JMJD1C: variants seen among roughly 807,000 people sequenced by gnomAD.
JMJD1C encodes the protein jumonji domain-containing protein 1C.
JMJD1C carries 31 observed loss-of-function variants against 245.3 expected under a neutral mutation model. The ratio of observed to expected loss-of-function variants is 0.13; its 90% CI spans 0.09 to 0.17. The LOEUF (loss-of-function observed/expected upper bound fraction) is 0.17, where lower values mean the gene tolerates loss of function less well. Ranked by LOEUF, JMJD1C falls within the 10% of genes least tolerant of loss-of-function variation. JMJD1C has a pLI of 1.00. For missense variants in JMJD1C, 2,691 were observed against 3,000.2 expected, an observed-to-expected ratio of 0.90 and a Z score of 2.41; for synonymous variants, 1,057 against 1,017.4, an observed-to-expected ratio of 1.04 and a Z score of -0.74.
chr10:63,200,538 G>A lies in JMJD1C; in HGVS notation c.5214C>T (p.Arg1738=), dbSNP rs1419463044. ...GAGCTGGTTCTTCTCCTTTTTTACT[G>A]CGAATAAGTCTACATTCTCGACACT... ...LQKCRECRLI[R]SKKGEEPAHS... The change falls in exon 11 of 26, where the codon CGC becomes CGT. Residue 1738 remains arginine, a synonymous_variant. Transcript: ENST00000399262. 1.2e-6 allele frequency: 2 copies of A among 1,613,620 alleles called. No individual in the cohort carries two copies. Among genetic ancestry groups the A allele is most frequent in the Non-Finnish European group, 1.7e-6 (2 of 1,179,862 alleles).
chr10:63,407,216 C>T (rs777651358), intron 1 of JMJD1C, among the ~76,000 whole-genome samples: 3 of 151,600 alleles, frequency 2.0e-5, no homozygotes, highest in African/African-American at 2.4e-5. Context: ...CATTATGGTA[C>T]GAAAAAAAGG....
At chr10:63,294,336 G>A (rs1859125919) in intron 2 of JMJD1C, among the ~76,000 whole-genome samples, 1 of 150,272 alleles carries the variant, frequency 6.7e-6, no homozygotes, top group African/African-American at 2.5e-5. Flanking sequence ...CCAAGCTGAA[G>A]TGCAGTGGTA....
intron 2 of JMJD1C, among the ~76,000 whole-genome samples, chr10:63,312,138 G>A (rs562274424): frequency 1.9e-4 from 24 of 123,196 alleles, no homozygotes; most frequent in East Asian, 1.8e-3. Flanking sequence ...ACGAAGTTTC[G>A]CTCTTGTTGC....
intron 17 of JMJD1C, among the ~76,000 whole-genome samples, chr10:63,189,806 G>A (rs1844549102): frequency 6.6e-6 from 1 of 151,938 alleles, no homozygotes; most frequent in Admixed American, 6.6e-5. Flanking sequence ...AAACTCCTGG[G>A]CTCAAGCAAT....
chr10:63,317,251 A>G (rs917882201), intron 2 of JMJD1C, among the ~76,000 whole-genome samples: 5 of 151,382 alleles, frequency 3.3e-5, no homozygotes, highest in South Asian at 2.1e-4. Context: ...CATGCCTGTA[A>G]TCCCAGCACT....
At chr10:63,387,824 A>T (rs2134568114) in intron 1 of JMJD1C, among the ~76,000 whole-genome samples, 1 of 151,434 alleles carries the variant, frequency 6.6e-6, no homozygotes, top group South Asian at 2.1e-4. Context: ...TTTAGTAGAG[A>T]CGGGGTTTCA....
intron 10 of JMJD1C, chr10:63,202,787 T>G: frequency 1.0e-6 from 1 of 985,206 alleles, no homozygotes; most frequent in Non-Finnish European, 1.2e-6. Context: ...ATGAACTGTG[T>G]AAAATATTCA....
chr10:63,322,819 A>C (rs28451952), intron 2 of JMJD1C, among the ~76,000 whole-genome samples: 1 of 150,818 alleles, frequency 6.6e-6, no homozygotes. Context: ...AAAAAAAAAA[A>C]AAAACTTTTT....
chr10:63,325,429 C>G (rs779993886), intron 2 of JMJD1C, among the ~76,000 whole-genome samples: 9 of 152,264 alleles, frequency 5.9e-5, no homozygotes, highest in Non-Finnish European at 1.3e-4. Context: ...CAGCCTCAAT[C>G]TCCGCGCTCA....
At chr10:63,312,110 TTTTTTTG>T (rs1453001548) in intron 2 of JMJD1C, among the ~76,000 whole-genome samples, 1 of 115,116 alleles carries the variant, frequency 8.7e-6, no homozygotes, top group African/African-American at 2.8e-5. Flanking sequence ...TTTTTTTTTT[TTTTTTTG>T]TGTGTGTGAG....
chr10:63,380,888 T>C (rs1253557001), intron 1 of JMJD1C, among the ~76,000 whole-genome samples: 1 of 152,194 alleles, frequency 6.6e-6, no homozygotes, highest in East Asian at 1.9e-4. Flanking sequence ...TAAGTAGATC[T>C]ATCATAGGAT....
intron 21 of JMJD1C, among the ~76,000 whole-genome samples, chr10:63,184,306 T>C (rs532205674): frequency 1.3e-5 from 2 of 148,552 alleles, no homozygotes; most frequent in Non-Finnish European, 3.0e-5. Context: ...AGTAGTGCAA[T>C]CTCAGCTCAC....
intron 2 of JMJD1C, among the ~76,000 whole-genome samples, chr10:63,334,405 G>T (rs1013780457): frequency 6.6e-6 from 1 of 152,000 alleles, no homozygotes; most frequent in African/African-American, 2.4e-5. Context: ...TATATGTCAG[G>T]AATACACTAC....
At chr10:63,338,806 G>A (rs1348326074) in intron 2 of JMJD1C, among the ~76,000 whole-genome samples, 1 of 151,694 alleles carries the variant, frequency 6.6e-6, no homozygotes, top group Non-Finnish European at 1.5e-5. Flanking sequence ...GTGCCACCAT[G>A]CCCAGTTAAC....
intron 2 of JMJD1C, among the ~76,000 whole-genome samples, chr10:63,343,104 G>A (rs559345734): frequency 1.1e-4 from 16 of 152,214 alleles, no homozygotes; most frequent in African/African-American, 3.9e-4. Flanking sequence ...GCTCGCGTCT[G>A]CAATCCCAGA....
chr10:63,319,193 C>T (rs1180435664), intron 2 of JMJD1C, among the ~76,000 whole-genome samples: 1 of 143,792 alleles, frequency 7.0e-6, no homozygotes, highest in Admixed American at 7.6e-5. Flanking sequence ...GGAGGCGGAG[C>T]TTGCAGTGTG....
rs553344948 is a variant in JMJD1C, at chr10:63,200,259, T to C, written c.5276+217A>G. 4.6e-5 allele frequency among the ~76,000 whole-genome samples: 7 copies of C among 152,348 alleles called. No homozygotes were observed. The South Asian group carries it at 1.2e-3, about 27-fold the overall frequency. On this transcript the variant is annotated intron_variant, in intron 11 of 25. Transcript: ENST00000399262. ...TAAATCTCTCAGAACAGAAAGGTCATATGGAACATGAGTAATAATGTATGT... is the reference window on the plus strand; with the variant it reads ...TAAATCTCTCAGAACAGAAAGGTCACATGGAACATGAGTAATAATGTATGT...
intron 1 of JMJD1C, among the ~76,000 whole-genome samples, chr10:63,419,342 ACACCATTGCACTC>A (rs1270307840): frequency 6.6e-6 from 1 of 151,998 alleles, no homozygotes; most frequent in Non-Finnish European, 1.5e-5. Flanking sequence ...AGCCAAGATC[ACACCATTGCACTC>A]CAGCCTGGGC....
In JMJD1C at chr10:63,427,606, C is replaced by T. The variant is rs543568477; in HGVS notation, c.168+37889G>A. ...CTTCACCTGGAACATCAACCATGCC[C>T]GGCTGATGGTGGTGGAGAAACAGTG... On this transcript the variant is annotated intron_variant, in intron 1 of 25. Transcript: ENST00000399262. 6.4e-6 allele frequency: 9 copies of T among 1,400,402 alleles called. No homozygotes were observed. In the Admixed American group the frequency reaches 6.8e-5, roughly 11 times the overall value. 86.7% of individuals were successfully genotyped at this position (1,400,402 alleles called of 1,614,324 possible). A position where few individuals can be genotyped will look rare whatever the true frequency, so the allele number is the denominator to read the frequency against.
Sources: gnomAD v4.1 joint callset for allele counts (sites outside exome capture counted in the v4.1 genomes callset) on GRCh38, gnomAD v4.1.1 for gene constraint, MANE v1.5 for transcripts, NCBI Gene and HGNC (gene_info 2026-07-23, HGNC 2026-07-21) for gene names.